Variants in NBAS observed in about 807,000 individuals in gnomAD.
NBAS encodes the protein NAG/BC035112 fusion.
NBAS carries 219 observed loss-of-function variants against 302.5 expected under a neutral mutation model. The ratio of observed to expected loss-of-function variants is 0.72; its 90% CI spans 0.65 to 0.81. NBAS has a LOEUF of 0.81. Among genes scored for constraint, NBAS ranks in the 30% least tolerant of loss-of-function variants. The pLI is 0.00. For synonymous variants in NBAS, 1,118 were observed against 1,021.6 expected (o/e 1.09, Z -1.80); for missense variants, 2,932 against 2,841.6 (o/e 1.03, Z -0.72).
the NBAS span, among the ~76,000 whole-genome samples, chr2:14,812,328 C>G: frequency 3.3e-5 from 5 of 152,164 alleles, no homozygotes; most frequent in Non-Finnish European, 5.9e-5. Flanking sequence ...AATCCCATGC[C>G]AACCCCAGAG....
At chr2:15,070,825 A>G in the NBAS span, among the ~76,000 whole-genome samples, 2 of 123,706 alleles carry the variant, frequency 1.6e-5, no homozygotes, top group African/African-American at 5.0e-5. Flanking sequence ...AAAACATAAA[A>G]GTACAGTTTC....
the NBAS span, among the ~76,000 whole-genome samples, chr2:14,845,240 A>G: frequency 6.6e-6 from 1 of 152,226 alleles, no homozygotes; most frequent in Non-Finnish European, 1.5e-5. Context: ...AAAAGGTAAA[A>G]GAAAAGAACA....
chr2:15,331,858 A>G (rs1478406339), intron 35 of NBAS, among the ~76,000 whole-genome samples: 1 of 152,216 alleles, frequency 6.6e-6, no homozygotes, highest in East Asian at 1.9e-4. Context: ...TGTGATTAAC[A>G]GTACAGACCT....
chr2:15,018,231 T>C, the NBAS span, among the ~76,000 whole-genome samples: 5 of 151,954 alleles, frequency 3.3e-5, no homozygotes, highest in African/African-American at 1.2e-4. Context: ...TTTACACCAC[T>C]GTAGGATGAG....
In NBAS at chr2:15,516,093, A is replaced by C. The variant is rs534485098; in HGVS notation, c.747-4743T>G. Reference sequence around the variant, plus strand: ...TGATATTTTTAAGGAAACATCGAGAAGAAAATTTCAAGCTTGTGAGAGTTA... The same window carrying C: ...TGATATTTTTAAGGAAACATCGAGACGAAAATTTCAAGCTTGTGAGAGTTA... On this transcript the variant is annotated intron_variant, in intron 9 of 51. Transcript: ENST00000281513. Among the ~76,000 whole-genome samples the C allele has an allele frequency of 5.3e-5, 8 of 152,350 alleles. No homozygotes were observed. The East Asian group carries it at 1.5e-3, about 29-fold the overall frequency.
intron 21 of NBAS, among the ~76,000 whole-genome samples, chr2:15,457,577 TG>T (rs1369042749): frequency 6.6e-6 from 1 of 152,240 alleles, no homozygotes; most frequent in East Asian, 1.9e-4. Context: ...GAAGTGCTAC[TG>T]CTTCGTAAAG....
At chr2:15,395,611 T>C (rs1675829309) in intron 27 of NBAS, among the ~76,000 whole-genome samples, 1 of 152,078 alleles carries the variant, frequency 6.6e-6, no homozygotes, top group Non-Finnish European at 1.5e-5. Context: ...ACTTGAAATA[T>C]TTTTACACTA....
chr2:15,038,799 C>A, the NBAS span, among the ~76,000 whole-genome samples: 1 of 152,196 alleles, frequency 6.6e-6, no homozygotes, highest in South Asian at 2.1e-4. Context: ...TGGCCCGTAG[C>A]CACTCCATGC....
At chr2:15,177,466 T>A (rs1367651169) in intron 51 of NBAS, among the ~76,000 whole-genome samples, 1 of 152,154 alleles carries the variant, frequency 6.6e-6, no homozygotes, top group Non-Finnish European at 1.5e-5. Context: ...AAAGAATCTT[T>A]AAAATGAAAA....
chr2:15,491,340 A>T (rs1403826921), intron 11 of NBAS, among the ~76,000 whole-genome samples: 1 of 152,244 alleles, frequency 6.6e-6, no homozygotes, highest in Non-Finnish European at 1.5e-5. Flanking sequence ...AATGTGAACA[A>T]ACAGGCCTTG....
intron 22 of NBAS, among the ~76,000 whole-genome samples, chr2:15,426,002 T>G (rs1677452782): frequency 6.6e-6 from 1 of 152,164 alleles, no homozygotes; most frequent in African/African-American, 2.4e-5. Flanking sequence ...GACACAGGCT[T>G]GTTAGCCCAG....
intron 42 of NBAS, among the ~76,000 whole-genome samples, chr2:15,277,637 G>A (rs1343110087): frequency 6.6e-6 from 1 of 152,092 alleles, no homozygotes; most frequent in East Asian, 1.9e-4. Flanking sequence ...AAGAAAAATA[G>A]AAAAAGAGGG....
the NBAS span, among the ~76,000 whole-genome samples, chr2:14,800,785 G>GTTTTTT: frequency 4.5e-4 from 58 of 129,480 alleles, 3 homozygotes; most frequent in African/African-American, 1.0e-3. Context: ...GATTTAAATT[G>GTTTTTT]TTTTTGTTTT....
the NBAS span, among the ~76,000 whole-genome samples, chr2:14,969,656 C>T: frequency 1.3e-5 from 2 of 152,132 alleles, no homozygotes; most frequent in Non-Finnish European, 2.9e-5. Context: ...GGATTATAGG[C>T]GTGAGCCACC....
At chr2:15,352,520 T>G (rs189100299) in intron 34 of NBAS, among the ~76,000 whole-genome samples, 1 of 152,108 alleles carries the variant, frequency 6.6e-6, no homozygotes, top group Non-Finnish European at 1.5e-5. Flanking sequence ...GAAGGACAAG[T>G]GCGGGTTTTG....
In NBAS at chr2:15,392,710, T is replaced by C. The variant is rs114051761; in HGVS notation, c.3257+1517A>G. ...GATAGCAACACTCTCCAAATTGACC[T>C]ACAGATTTGATGCAATCCTTATCAA... On this transcript the variant is annotated intron_variant, in intron 28 of 51. Coordinates refer to ENST00000281513, the MANE Select transcript of NBAS (RefSeq NM_015909.4). Among the ~76,000 whole-genome samples, 1,025 of 152,088 alleles carry C rather than the reference T, an allele frequency of 6.7e-3. 11 individuals carry two copies. Among genetic ancestry groups the C allele is most frequent in the African/African-American group, 0.022 (925 of 41,538 alleles).
intron 44 of NBAS, among the ~76,000 whole-genome samples, chr2:15,239,342 T>C (rs374715693): frequency 1.3e-5 from 2 of 151,314 alleles, no homozygotes; most frequent in South Asian, 4.1e-4. Context: ...TGTGTGTGTA[T>C]GTGTGCATTT....
At chr2:15,040,582 T>C in the NBAS span, among the ~76,000 whole-genome samples, 1 of 152,174 alleles carries the variant, frequency 6.6e-6, no homozygotes, top group Non-Finnish European at 1.5e-5. Flanking sequence ...CTGTCTAGAC[T>C]CAGCAAACAG....
chr2:15,278,870 G>T (rs1382506523), intron 42 of NBAS, among the ~76,000 whole-genome samples: 1 of 152,174 alleles, frequency 6.6e-6, no homozygotes, highest in African/African-American at 2.4e-5. Flanking sequence ...GAATTTGGCA[G>T]GAAGGAGTGA....
Sources: gnomAD v4.1 joint callset for allele counts (sites outside exome capture counted in the v4.1 genomes callset) on GRCh38, gnomAD v4.1.1 for gene constraint, MANE v1.5 for transcripts, NCBI Gene and HGNC (gene_info 2026-07-23, HGNC 2026-07-21) for gene names.